CAST: variants seen among roughly 807,000 people sequenced by gnomAD.
The protein encoded by CAST is MIR583 host.
CAST carries 76 observed loss-of-function variants against 119.6 expected under a neutral mutation model. That is an observed-to-expected ratio of 0.64 (90% CI 0.53 to 0.77). The LOEUF (loss-of-function observed/expected upper bound fraction) is 0.77. Ranked by LOEUF, CAST falls within the 30% of genes least tolerant of loss-of-function variation. The probability of loss-of-function intolerance (pLI) is 0.00; values close to 1 mark genes in which losing one functional copy is unlikely to be tolerated. For missense variants in CAST, 953 were observed against 946.5 expected, an observed-to-expected ratio of 1.01 and a Z score of -0.09; for synonymous variants, 319 against 331.6, an observed-to-expected ratio of 0.96 and a Z score of 0.41.
chr5:96,609,679 G>A (rs1747324613), intron 1 of CAST, among the ~76,000 whole-genome samples: 1 of 152,104 alleles, frequency 6.6e-6, no homozygotes, highest in Non-Finnish European at 1.5e-5. Context: ...CTTTGAAGTA[G>A]GTGACATTAA....
intron 9 of CAST, among the ~76,000 whole-genome samples, chr5:96,734,580 C>T (rs1482324916): frequency 6.6e-6 from 1 of 152,128 alleles, no homozygotes; most frequent in Non-Finnish European, 1.5e-5. Flanking sequence ...TCTAAGATAA[C>T]CTGGTGCTTC....
chr5:96,401,086 CAAAAAAAAAAAAAAAA>C, the CAST span, among the ~76,000 whole-genome samples: 6 of 70,576 alleles, frequency 8.5e-5, no homozygotes, highest in Non-Finnish European at 1.2e-4. Flanking sequence ...GACTCCGTCT[CAAAAAAAAAAAAAAAA>C]AAAAAAAAAA....
At chr5:96,626,791 G>C (rs555858787) in intron 1 of CAST, among the ~76,000 whole-genome samples, 28 of 152,258 alleles carry the variant, frequency 1.8e-4, no homozygotes, top group Admixed American at 1.7e-3. Flanking sequence ...GTTATCAGGA[G>C]CCCTGTCCTT....
chr5:96,108,933 GT>G, the CAST span, among the ~76,000 whole-genome samples: 1 of 152,362 alleles, frequency 6.6e-6, no homozygotes, highest in African/African-American at 2.4e-5. Flanking sequence ...CTGGTGCACC[GT>G]TTTTTAAGCC....
At chr5:96,612,325 C>A (rs181142531) in intron 1 of CAST, among the ~76,000 whole-genome samples, 195 of 152,242 alleles carry the variant, frequency 1.3e-3, no homozygotes, top group African/African-American at 4.4e-3. Context: ...TGAATTAACA[C>A]AGAAACAGAA....
the CAST span, among the ~76,000 whole-genome samples, chr5:96,009,663 A>G: frequency 6.6e-6 from 1 of 151,708 alleles, no homozygotes; most frequent in Non-Finnish European, 1.5e-5. Context: ...TTGCTTGTTG[A>G]TTGAAGTTCC....
chr5:95,971,111 C>A, the CAST span, among the ~76,000 whole-genome samples: 5 of 152,124 alleles, frequency 3.3e-5, no homozygotes, highest in Non-Finnish European at 7.4e-5. Flanking sequence ...CATGATTTAG[C>A]TTTGTCAAGT....
chr5:96,656,242 T>C (rs1748157108), intron 1 of CAST, among the ~76,000 whole-genome samples: 1 of 152,270 alleles, frequency 6.6e-6, no homozygotes, highest in Non-Finnish European at 1.5e-5. Flanking sequence ...ACAATTTGTA[T>C]ACTCTATGCA....
chr5:96,152,472 T>A, the CAST span, among the ~76,000 whole-genome samples: 1 of 152,236 alleles, frequency 6.6e-6, no homozygotes, highest in African/African-American at 2.4e-5. Context: ...CCAAAGTTTG[T>A]GAGGGGTCCT....
rs1427675757 is a variant in CAST, at chr5:96,736,245, G to A, written c.699+5G>A. 2 of 1,584,340 alleles carry A rather than the reference G, an allele frequency of 1.3e-6. No individual in the cohort carries two copies. The highest frequency in any genetic ancestry group is 1.7e-6 in the Non-Finnish European group (2 of 1,153,910). On this transcript the variant is annotated splice_donor_5th_base_variant and intron_variant, in intron 10 of 31. Coordinates refer to ENST00000675179, the MANE Select transcript of CAST (RefSeq NM_001750.7). The stretch of plus-strand genomic sequence containing the variant: ...CCGGATAAACCATCGGGAAAGGTAT[G>A]AAGACAACAGTGTCCTTCTACATGA...
At chr5:96,346,223 G>C in the CAST span, among the ~76,000 whole-genome samples, 1 of 152,158 alleles carries the variant, frequency 6.6e-6, no homozygotes, top group African/African-American at 2.4e-5. Context: ...CCAGATTTCG[G>C]GCTTGAGCTC....
At chr5:96,175,249 A>C in the CAST span, among the ~76,000 whole-genome samples, 1 of 152,212 alleles carries the variant, frequency 6.6e-6, no homozygotes, top group Non-Finnish European at 1.5e-5. Context: ...GCCGGTTAGT[A>C]CATGTGAATT....
the CAST span, among the ~76,000 whole-genome samples, chr5:96,195,775 T>C: frequency 6.6e-6 from 1 of 152,156 alleles, no homozygotes; most frequent in African/African-American, 2.4e-5. Context: ...AGATAACATG[T>C]TCATGCCAAA....
the CAST span, among the ~76,000 whole-genome samples, chr5:96,243,380 G>A: frequency 6.6e-6 from 1 of 151,784 alleles, no homozygotes; most frequent in East Asian, 1.9e-4. Context: ...TAGGGTAATG[G>A]AAGAAGAATT....
At chr5:96,605,485 C>T (rs745310494) in intron 1 of CAST, among the ~76,000 whole-genome samples, 2 of 152,236 alleles carry the variant, frequency 1.3e-5, no homozygotes, top group Admixed American at 6.5e-5. Flanking sequence ...ATTTTGCCTT[C>T]TCCTGATCTT....
chr5:96,046,531 G>T, the CAST span, among the ~76,000 whole-genome samples: 5 of 152,172 alleles, frequency 3.3e-5, no homozygotes, highest in Non-Finnish European at 7.3e-5. Context: ...ATGGAGGAAA[G>T]ACATGCCCTA....
the CAST span, among the ~76,000 whole-genome samples, chr5:96,021,612 A>AT: frequency 4.8e-4 from 73 of 151,962 alleles, 1 homozygote; most frequent in Middle Eastern, 6.8e-3. Context: ...CGCCCAGCTA[A>AT]TTTTTTTGTA....
At chr5:95,994,683 A>T in the CAST span, among the ~76,000 whole-genome samples, 1 of 152,314 alleles carries the variant, frequency 6.6e-6, no homozygotes, top group East Asian at 1.9e-4. Context: ...CACTATTAAA[A>T]GAAGATGAAC....
At chr5:96,248,912 T>C in the CAST span, among the ~76,000 whole-genome samples, 1 of 152,242 alleles carries the variant, frequency 6.6e-6, no homozygotes, top group Non-Finnish European at 1.5e-5. Context: ...GATTTTCTAA[T>C]CAGTGGTCAT....
Sources: gnomAD v4.1 joint callset for allele counts (sites outside exome capture counted in the v4.1 genomes callset) on GRCh38, gnomAD v4.1.1 for gene constraint, MANE v1.5 for transcripts, NCBI Gene and HGNC (gene_info 2026-07-23, HGNC 2026-07-21) for gene names.